Variants in PZP observed in about 807,000 individuals in gnomAD.
The protein encoded by PZP is pregnancy zone protein.
In PZP, 150 loss-of-function variants were observed where a neutral mutation model predicts 179.8. The observed-to-expected ratio is 0.83, with a 90% confidence interval of 0.73 to 0.96. The LOEUF is 0.96. Ranked by LOEUF, PZP falls within the 40% of genes least tolerant of loss-of-function variation. The probability of loss-of-function intolerance (pLI) is 0.00; values close to 1 mark genes in which losing one functional copy is unlikely to be tolerated. For missense variants in PZP, 1,689 were observed against 1,764.0 expected (o/e 0.96, Z 0.76); for synonymous variants, 624 against 652.3 (o/e 0.96, Z 0.66).
Position 9,203,840 on chromosome 12 carries a change from A to T in PZP, c.195T>A (p.Ser65=). ...TGAAGAGGCTCCTGTTTTCCCTGCC[A>T]GACTCCAAGGAAGCACTTACAGTCA... ...ETVTVSASLE[S]GRENRSLFTD... Residue 65 remains serine, a synonymous_variant, in exon 2 of 36, where the codon TCT becomes TCA. Transcript: ENST00000261336. 1 of 1,614,142 alleles carries T rather than the reference A, an allele frequency of 6.2e-7. No individual in the cohort carries two copies. The highest frequency in any genetic ancestry group is 2.2e-5 in the East Asian group (1 of 44,864).
intron 1 of PZP, among the ~76,000 whole-genome samples, chr12:9,207,220 T>C (rs748867280): frequency 4.6e-5 from 7 of 152,344 alleles, no homozygotes; most frequent in Non-Finnish European, 8.8e-5. Flanking sequence ...CTCTGAAGAC[T>C]TCCCTGTATC....
chr12:9,137,658 C>T, the PZP span, among the ~76,000 whole-genome samples: 1 of 151,998 alleles, frequency 6.6e-6, no homozygotes, highest in Non-Finnish European at 1.5e-5. Flanking sequence ...AATCAATGAA[C>T]ATGGTATATA....
At chr12:9,153,049 G>A (rs1284379296) in intron 30 of PZP, 76 bp downstream of exon 30, 7 of 1,604,290 alleles carry the variant, frequency 4.4e-6, no homozygotes, top group Non-Finnish European at 6.0e-6. Context: ...ACTTTCCCAG[G>A]AAGGAAGGAA....
chr12:9,206,251 T>A (rs1944434782), intron 1 of PZP, among the ~76,000 whole-genome samples: 1 of 151,446 alleles, frequency 6.6e-6, no homozygotes, highest in Non-Finnish European at 1.5e-5. Context: ...AGAAGGTATA[T>A]ATATATTTAT....
At chr12:9,165,557 C>A (rs1337554449) in intron 18 of PZP, among the ~76,000 whole-genome samples, 190 bp from the exon 19 acceptor site, 4 of 152,086 alleles carry the variant, frequency 2.6e-5, no homozygotes, top group Admixed American at 2.0e-4. Context: ...CTGAATGGTA[C>A]CTCTCCCCCT....
chr12:9,152,254 G>C lies in PZP; in HGVS notation c.4178C>G (p.Ser1393Cys), dbSNP rs764281420. Residue 1393 changes from serine (S) to cysteine (C), a missense_variant, in exon 32 of 36, where the codon TCT becomes TGT. By Grantham distance (112) the Ser-to-Cys change is moderately radical. Transcript: ENST00000261336. The part of the protein sequence containing the change: ...NMVIVDVKMV[S>C]GFIPLKPTVK... ...TGTTGGTTTCAGGGGAATAAAACCAGATACCATCTTTACATCAACAATCAC... is the reference window on the plus strand; with the variant it reads ...TGTTGGTTTCAGGGGAATAAAACCACATACCATCTTTACATCAACAATCAC... 6.2e-7 allele frequency: 1 copy of C among 1,612,932 alleles called. No homozygotes were observed. Among genetic ancestry groups the C allele is most frequent in the South Asian group, 1.1e-5 (1 of 91,048 alleles).
Position 9,182,011 on chromosome 12 carries a change from A to G in PZP, c.1653T>C (p.Ser551=), listed in dbSNP as rs888158190. The change falls in exon 14 of 36, where the codon TCT becomes TCC. Residue 551 remains serine (S), a synonymous_variant. Transcript: ENST00000261336. ...ILPDGEVVGD[S]EKFEIENCLA... ...GACAGTTTTCAATCTCAAATTTTTCAGAGTCTCCAACAACTTCTCCATCTG... is the reference window on the plus strand; with the variant it reads ...GACAGTTTTCAATCTCAAATTTTTCGGAGTCTCCAACAACTTCTCCATCTG... The G allele has an allele frequency of 6.2e-7, 1 of 1,613,886 alleles. No homozygotes were observed. Among genetic ancestry groups the G allele is most frequent in the South Asian group, 1.1e-5 (1 of 91,030 alleles).
chr12:9,190,314 C>T (rs1943386951), intron 13 of PZP, among the ~76,000 whole-genome samples: 1 of 152,038 alleles, frequency 6.6e-6, no homozygotes, highest in Non-Finnish European at 1.5e-5. Context: ...AACTATGCAG[C>T]CATAAAAAAG....
Position 9,170,296 on chromosome 12 carries a change from C to T in PZP, c.1840-705G>A, listed in dbSNP as rs1253781963. On this transcript the variant is annotated intron_variant, in intron 15 of 35. Transcript: ENST00000261336. This position sits in a 1 kb window ranked among gnomAD's most constrained non-coding sequence, Gnocchi z 4.6. ...TCTGCAACCCATGGATCAGGAGATA[C>T]CCTTGTGAGCCCATGCCACCAGGGT... Among the ~76,000 whole-genome samples, 1 of 152,130 alleles carries T rather than the reference C, an allele frequency of 6.6e-6. No homozygotes were observed. Among genetic ancestry groups the T allele is most frequent in the Non-Finnish European group, 1.5e-5 (1 of 68,020 alleles).
intron 22 of PZP, among the ~76,000 whole-genome samples, chr12:9,161,993 A>G (rs187622003): frequency 3.3e-5 from 5 of 151,130 alleles, no homozygotes; most frequent in African/African-American, 1.2e-4. Context: ...TAAGAGTCTC[A>G]CTCTGTTGCC....
At chr12:9,178,972 G>A (rs1383531799) in intron 15 of PZP, among the ~76,000 whole-genome samples, 3 of 152,088 alleles carry the variant, frequency 2.0e-5, no homozygotes, top group African/African-American at 7.2e-5. Flanking sequence ...TTCATATTAC[G>A]AATTTACCAA....
chr12:9,182,181 G>T, intron 13 of PZP, 64 bp from the exon 14 acceptor site: 1 of 211,988 alleles, frequency 4.7e-6, no homozygotes, highest in Non-Finnish European at 7.6e-6. Flanking sequence ...TAAAAATAGT[G>T]TCATAAGGAC....
Sources: allele counts gnomAD v4.1 joint callset (sites outside exome capture counted in the v4.1 genomes callset), GRCh38; gene constraint gnomAD v4.1.1; non-coding constraint Gnocchi (gnomAD v3.1); transcripts MANE v1.5; gene names NCBI Gene and HGNC (gene_info 2026-07-23, HGNC 2026-07-21).